Variants in NEMP1 observed in about 807,000 individuals in gnomAD.
NEMP1 encodes nuclear envelope integral membrane protein 1.
Under a neutral mutation model 53.7 loss-of-function variants are expected in NEMP1, and 29 were observed. The ratio of observed to expected loss-of-function variants is 0.54; its 90% CI spans 0.40 to 0.74. The LOEUF is 0.74. NEMP1 is among the 30% of genes least tolerant of loss of function. The pLI is 0.00. For synonymous variants in NEMP1, 193 were observed against 192.9 expected (o/e 1.00, Z 0.00); for missense variants, 477 against 528.6 (o/e 0.90, Z 0.96).
At chr12:57,063,067 C>T in intron 7 of NEMP1, 52 bp downstream of exon 7, 2 of 1,434,560 alleles carry the variant, frequency 1.4e-6, no homozygotes, top group South Asian at 1.2e-5. Flanking sequence ...CTTGCTGCAA[C>T]TGCATCCCAC....
intron 1 of NEMP1, among the ~76,000 whole-genome samples, chr12:57,076,634 C>G (rs1257620236): frequency 1.3e-5 from 2 of 151,846 alleles, no homozygotes; most frequent in South Asian, 4.2e-4. Flanking sequence ...GGTGAAACCC[C>G]GTCTGTACAA....
At chr12:57,086,960 T>C (rs546587049) in intron 1 of NEMP1, among the ~76,000 whole-genome samples, 1 of 152,316 alleles carries the variant, frequency 6.6e-6, no homozygotes, top group South Asian at 2.1e-4. Context: ...CTCACGACAA[T>C]CTTGAGAAAC....
chr12:57,061,025 C>A (rs1401297291), intron 7 of NEMP1, 80 bp from the exon 8 acceptor site: 2 of 1,427,288 alleles, frequency 1.4e-6, no homozygotes, highest in Admixed American at 4.2e-5. Flanking sequence ...TTCAGTGGGC[C>A]AAGAATACAG....
chr12:57,071,675 G>A (rs575565158), intron 2 of NEMP1, among the ~76,000 whole-genome samples: 4 of 152,084 alleles, frequency 2.6e-5, no homozygotes, highest in Non-Finnish European at 5.9e-5. Flanking sequence ...CACTGCGCCC[G>A]GCTTGTCAGA....
intron 8 of NEMP1, 49 bp downstream of exon 8, chr12:57,060,723 A>T: frequency 6.4e-7 from 1 of 1,554,128 alleles, no homozygotes; most frequent in South Asian, 1.2e-5. Context: ...GGTAGAACTC[A>T]AGGTCACAAT....
chr12:57,066,749 CGTGTTGTAGGAGG>C (rs1262447631), intron 4 of NEMP1, among the ~76,000 whole-genome samples: 1 of 152,182 alleles, frequency 6.6e-6, no homozygotes, highest in East Asian at 1.9e-4. Flanking sequence ...ATCATTCCCA[CGTGTTGTAGGAGG>C]GAACTGGTGG....
At chr12:57,063,954 G>C in intron 6 of NEMP1, 117 bp downstream of exon 6, 1 of 608,272 alleles carries the variant, frequency 1.6e-6, no homozygotes, top group Non-Finnish European at 2.8e-6. Context: ...ATTTTTAAAA[G>C]TTTAAAAAAA....
rs1483013363 is a variant in NEMP1 at position 57,060,941 on chromosome 12, C to A, written c.985G>T (p.Val329Leu). 8.7e-6 allele frequency: 14 copies of A among 1,612,050 alleles called. No homozygotes were observed. Among genetic ancestry groups the A allele is most frequent in the Non-Finnish European group, 1.0e-5 (12 of 1,179,474 alleles). ...IQWLYITCRK[V>L]CKGAEKPVPP... ...ACAGGCTTTTCTGCTCCCTTACACA[C>A]CTTTCTGTGCTCACCAAAATAACAT... is the stretch of plus-strand genomic sequence containing the variant. Residue 329 changes from valine to leucine, a missense_variant, in exon 8 of 9, where the codon GTG (valine) becomes TTG (leucine). Val to Leu is a conservative substitution (Grantham distance 32, BLOSUM62 1). Coordinates refer to ENST00000300128, the MANE Select transcript of NEMP1 (RefSeq NM_001130963.2).
In NEMP1 at chr12:57,059,817, A is replaced by G; in HGVS notation, c.*62T>C. Reference sequence around the variant, plus strand: ...GTTTCAAAGGGTTGAAAGCAATTGCACAACACATGCAACATGGACCAAGGC... The same window carrying G: ...GTTTCAAAGGGTTGAAAGCAATTGCGCAACACATGCAACATGGACCAAGGC... On this transcript the variant is annotated 3_prime_UTR_variant, in exon 9 of 9. Transcript: ENST00000300128. 1 of 1,465,010 alleles carries G rather than the reference A, an allele frequency of 6.8e-7. No homozygotes were observed. The highest frequency in any genetic ancestry group is 1.2e-5 in the South Asian group (1 of 81,460). The allele number at this position is 1,465,010 out of a possible 1,614,324, so 90.8% of individuals were successfully genotyped here.
At chr12:57,080,621 G>A (rs1327073163), upstream of NEMP1, among the ~76,000 whole-genome samples, 1 of 150,186 alleles carries the variant, frequency 6.7e-6, no homozygotes, top group Non-Finnish European at 1.5e-5. Flanking sequence ...TGGGCATGGT[G>A]GCTCATGCCT....
upstream of NEMP1, among the ~76,000 whole-genome samples, chr12:57,080,719 T>C (rs1157159138): frequency 1.3e-5 from 2 of 151,432 alleles, no homozygotes; most frequent in Admixed American, 6.6e-5. Context: ...AGCAAAACCC[T>C]ATCTCTAATA....
At chr12:57,062,301 G>A (rs2031848308) in intron 7 of NEMP1, among the ~76,000 whole-genome samples, 1 of 151,348 alleles carries the variant, frequency 6.6e-6, no homozygotes, top group Non-Finnish European at 1.5e-5. Context: ...CCAACATGGT[G>A]AAACCACATC....
Position 57,059,765 on chromosome 12 carries a change from G to C in NEMP1, c.*114C>G, listed in dbSNP as rs1460938758. On this transcript the variant is annotated 3_prime_UTR_variant, in exon 9 of 9. Coordinates refer to ENST00000300128, the MANE Select transcript of NEMP1 (RefSeq NM_001130963.2). ...TTTTAGGCCTCTTATTTCAGTAGGA[G>C]AATTTCTACCCTATCTATCTCACTC... is the stretch of plus-strand genomic sequence containing the variant. The C allele has an allele frequency of 4.2e-6, 4 of 961,554 alleles. No individual in the cohort carries two copies. The highest frequency in any genetic ancestry group is 6.0e-6 in the Non-Finnish European group (4 of 664,494). 59.6% of individuals were successfully genotyped at this position (961,554 alleles called of 1,614,324 possible).
chr12:57,058,300 C>T lies in NEMP1; in HGVS notation c.*1579G>A, dbSNP rs1343871701. ...AGCTAGGCCTTTCAAAATTACCACG[C>T]TAAATGGCTGGTCTAAAGGAGTCAT... On this transcript the variant is annotated 3_prime_UTR_variant, in exon 9 of 9. Transcript: ENST00000300128. 6.6e-6 allele frequency: 1 copy of T among 152,192 alleles called. No homozygotes were observed. The highest frequency in any genetic ancestry group is 2.4e-5 in the African/African-American group (1 of 41,424). 9.4% of individuals were successfully genotyped at this position (152,192 alleles called of 1,614,324 possible). A position where few individuals can be genotyped will look rare whatever the true frequency, so the allele number is the denominator to read the frequency against.
chr12:57,073,061 G>T, intron 1 of NEMP1, 149 bp from the exon 2 acceptor site: 1 of 568,872 alleles, frequency 1.8e-6, no homozygotes, highest in Non-Finnish European at 2.9e-6. Flanking sequence ...TGAGAAGAAG[G>T]AAGAACTAAG....
chr12:57,067,977 C>T (rs757641439), intron 4 of NEMP1, among the ~76,000 whole-genome samples: 3 of 151,986 alleles, frequency 2.0e-5, no homozygotes, highest in Non-Finnish European at 4.4e-5. Flanking sequence ...CACTATGTTA[C>T]CTAGGCTGGT....
Position 57,076,574 on chromosome 12 carries a change from G to C in NEMP1, c.127+2045C>G, listed in dbSNP as rs377325432. Among the ~76,000 whole-genome samples, 8 of 152,260 alleles carry C rather than the reference G, an allele frequency of 5.3e-5. No individual in the cohort carries two copies. In the East Asian group the frequency reaches 1.2e-3, roughly 22 times the overall value. On this transcript the variant is annotated intron_variant, in intron 1 of 8. Coordinates refer to ENST00000300128, the MANE Select transcript of NEMP1 (RefSeq NM_001130963.2). Reference sequence around the variant, plus strand: ...TGTAATCCCAGCACTTTGGGAGGCTGAGGTGGGCAGATCACGAGGTCAGGA... The same window carrying C: ...TGTAATCCCAGCACTTTGGGAGGCTCAGGTGGGCAGATCACGAGGTCAGGA...
chr12:57,088,210 C>A (rs535435118), upstream of NEMP1: 6 of 152,388 alleles, frequency 3.9e-5, no homozygotes, highest in East Asian at 1.2e-3. Context: ...GGAATCCCTG[C>A]CTGACCTACG....
chr12:57,071,670 C>T (rs1273754837), intron 2 of NEMP1, among the ~76,000 whole-genome samples: 3 of 152,136 alleles, frequency 2.0e-5, no homozygotes, highest in East Asian at 1.9e-4. Context: ...TGAGCCACTG[C>T]GCCCGGCTTG....
Sources: allele counts gnomAD v4.1 joint callset (sites outside exome capture counted in the v4.1 genomes callset), GRCh38; gene constraint gnomAD v4.1.1; transcripts MANE v1.5; gene names NCBI Gene and HGNC (gene_info 2026-07-23, HGNC 2026-07-21).